DOCK4: variants seen among roughly 807,000 people sequenced by gnomAD.
DOCK4 encodes dedicator of cytokinesis protein 4.
A neutral mutation model predicts 268.1 loss-of-function variants in DOCK4; 97 were observed. The ratio of observed to expected loss-of-function variants is 0.36; its 90% CI spans 0.31 to 0.43. The LOEUF is 0.43. Among genes scored for constraint, DOCK4 ranks in the 20% least tolerant of loss-of-function variants. The pLI is 1.00. For synonymous variants in DOCK4, 954 were observed against 887.2 expected, an observed-to-expected ratio of 1.08 and a Z score of -1.34; for missense variants, 2,145 against 2,455.7, an observed-to-expected ratio of 0.87 and a Z score of 2.67.
intron 30 of DOCK4, 151 bp downstream of exon 30, chr7:111,808,670 G>T: frequency 1.4e-6 from 1 of 727,836 alleles, no homozygotes; most frequent in Non-Finnish European, 2.2e-6. Flanking sequence ...CTCATTCAAT[G>T]CCAAAGTGTC....
chr7:111,973,156 CAT>C (rs144045255), intron 8 of DOCK4, among the ~76,000 whole-genome samples: 55,252 of 113,750 alleles, frequency 0.49, 13,544 homozygotes, highest in Non-Finnish European at 0.57. Flanking sequence ...TATTCCATGG[CAT>C]ATATATATAT....
At chr7:111,818,593 A>G (rs1045771621) in intron 27 of DOCK4, among the ~76,000 whole-genome samples, 2 of 152,176 alleles carry the variant, frequency 1.3e-5, no homozygotes, top group African/African-American at 4.8e-5. Context: ...CGTCCAAGTC[A>G]TCATCAACAT....
At chr7:111,944,707 A>T in intron 10 of DOCK4, 104 bp downstream of exon 10, 1 of 1,142,078 alleles carries the variant, frequency 8.8e-7, no homozygotes, top group Non-Finnish European at 1.3e-6. Flanking sequence ...TGGCTTTGAT[A>T]TCTTTCTGAT....
intron 1 of DOCK4, among the ~76,000 whole-genome samples, chr7:112,063,362 A>C (rs1195336303): frequency 6.6e-6 from 1 of 152,214 alleles, no homozygotes; most frequent in Non-Finnish European, 1.5e-5. Context: ...TGATAAACCC[A>C]TTGTAAACTG....
Position 112,041,949 on chromosome 7 carries a change from GC to G in DOCK4, c.38-37819del, listed in dbSNP as rs552405949. 3.3e-5 allele frequency among the ~76,000 whole-genome samples: 5 copies of G among 152,096 alleles called. No individual in the cohort carries two copies. In the South Asian group the frequency reaches 1.0e-3, roughly 32 times the overall value. On this transcript the variant is annotated intron_variant, in intron 1 of 52. Transcript: ENST00000428084. ...GCCTATGGGCGTATAGGGGAATACAGCTGCCAATGTGAAGATGCTCCAGTTG... is the reference window on the plus strand; with the variant it reads ...GCCTATGGGCGTATAGGGGAATACAGTGCCAATGTGAAGATGCTCCAGTTG...
chr7:111,871,344 T>C (rs1252053490), intron 20 of DOCK4, among the ~76,000 whole-genome samples: 2 of 152,200 alleles, frequency 1.3e-5, no homozygotes, highest in Admixed American at 6.5e-5. Context: ...CTGGCAATTA[T>C]CAACTATGTT....
Position 112,205,825 on chromosome 7 carries a change from G to A in DOCK4, c.37+277C>T, listed in dbSNP as rs116943281. Among the ~76,000 whole-genome samples the A allele has an allele frequency of 3.3e-3, 499 of 151,960 alleles. 6 individuals are homozygous for A. The highest frequency in any genetic ancestry group is 0.029 in the East Asian group (151 of 5,138). The stretch of plus-strand genomic sequence containing the variant: ...CCCAGTCGCCACTCCAAACTCCGCA[G>A]GCAGAGCCCGAAGCTAGCGGGCCGG... On this transcript the variant is annotated intron_variant, in intron 1 of 52. Transcript: ENST00000428084.
At chr7:112,179,631 G>C (rs537206981) in intron 1 of DOCK4, among the ~76,000 whole-genome samples, 22 of 151,884 alleles carry the variant, frequency 1.4e-4, no homozygotes, top group Non-Finnish European at 2.5e-4. Flanking sequence ...TGCTTCAAAA[G>C]GAAGTTTTTC....
intron 37 of DOCK4, 109 bp from the exon 38 acceptor site, chr7:111,767,227 CTTT>C (rs372483378): frequency 0.012 from 5,298 of 459,282 alleles, no homozygotes; most frequent in South Asian, 0.014. Context: ...ACTCCTTAAT[CTTT>C]TTTTTTTTTT....
At chr7:111,956,330 C>T (rs532372651) in intron 8 of DOCK4, among the ~76,000 whole-genome samples, 5 of 152,228 alleles carry the variant, frequency 3.3e-5, no homozygotes, top group African/African-American at 9.6e-5. Context: ...TAAATAAACA[C>T]AGAATAAGTA....
chr7:112,082,739 GGAGA>G (rs1158866219), intron 1 of DOCK4, among the ~76,000 whole-genome samples: 1 of 152,076 alleles, frequency 6.6e-6, no homozygotes, highest in Admixed American at 6.6e-5. Flanking sequence ...AAAAGAGAAA[GGAGA>G]GAGAAATACT....
intron 23 of DOCK4, among the ~76,000 whole-genome samples, chr7:111,861,393 T>C (rs1055514525): frequency 8.5e-5 from 13 of 152,174 alleles, no homozygotes; most frequent in Admixed American, 1.3e-4. Flanking sequence ...CAGTGGAATA[T>C]CATACAACAG....
At chr7:111,996,175 A>G (rs1385541048) in intron 4 of DOCK4, among the ~76,000 whole-genome samples, 1 of 152,226 alleles carries the variant, frequency 6.6e-6, no homozygotes, top group East Asian at 1.9e-4. Context: ...TCCATAAACT[A>G]TAATTTAATT....
rs181924921 is a variant in DOCK4, at chr7:112,148,784, A to G, written c.37+57318T>C. ...CACAGAGTAATGCTTCCCAGATCCT[A>G]AAATGATTCAGGTTTCTGAAAGGAA... On this transcript the variant is annotated intron_variant, in intron 1 of 52. Transcript: ENST00000428084. 2.2e-3 allele frequency among the ~76,000 whole-genome samples: 332 copies of G among 152,318 alleles called. 4 individuals are homozygous for G. Among genetic ancestry groups the G allele is most frequent in the Admixed American group, 0.018 (277 of 15,304 alleles).
chr7:111,841,233 C>T (rs778727592), intron 25 of DOCK4, among the ~76,000 whole-genome samples: 13 of 151,758 alleles, frequency 8.6e-5, no homozygotes, highest in Non-Finnish European at 1.6e-4. Flanking sequence ...GGTATGATCT[C>T]GGCTCACTGC....
intron 1 of DOCK4, among the ~76,000 whole-genome samples, chr7:112,015,854 T>A (rs550547997): frequency 6.6e-6 from 1 of 152,292 alleles, no homozygotes; most frequent in African/African-American, 2.4e-5. Flanking sequence ...CTGCTTTGTC[T>A]TCACATGGTG....
At chr7:111,818,083 C>A (rs562975107) in intron 27 of DOCK4, among the ~76,000 whole-genome samples, 1 of 152,352 alleles carries the variant, frequency 6.6e-6, no homozygotes, top group East Asian at 1.9e-4. Flanking sequence ...CATCTTACAT[C>A]ATAGGCTGCT....
At chr7:111,769,699 A>G in intron 36 of DOCK4, 22 bp from the exon 37 acceptor site, 1 of 1,609,124 alleles carries the variant, frequency 6.2e-7, no homozygotes, top group Non-Finnish European at 8.5e-7. Flanking sequence ...GTGAGAAGAC[A>G]ATGATTGAGA....
chr7:111,902,991 G>A (rs1018193240), intron 13 of DOCK4, among the ~76,000 whole-genome samples: 5 of 152,048 alleles, frequency 3.3e-5, no homozygotes, highest in East Asian at 1.9e-4. Context: ...GGGTGGTCTC[G>A]ATCTCCTGAC....
Sources: allele counts gnomAD v4.1 joint callset (sites outside exome capture counted in the v4.1 genomes callset), GRCh38; gene constraint gnomAD v4.1.1; transcripts MANE v1.5; gene names NCBI Gene and HGNC (gene_info 2026-07-23, HGNC 2026-07-21).